The following TMPRSS4 variants were observed in gnomAD, a reference collection of about 807,000 sequenced individuals.
The protein encoded by TMPRSS4 is transmembrane protease serine 4.
In TMPRSS4, 45 loss-of-function variants were observed where a neutral mutation model predicts 56.4. The ratio of observed to expected loss-of-function variants is 0.80; its 90% confidence interval spans 0.63 to 1.02. The LOEUF is 1.02. TMPRSS4 is among the 50% of genes least tolerant of loss of function. The probability of loss-of-function intolerance (pLI) is 0.00; values close to 1 mark genes in which losing one functional copy is unlikely to be tolerated. For synonymous variants in TMPRSS4, 205 were observed against 211.0 expected, an observed-to-expected ratio of 0.97 and a Z score of 0.25; for missense variants, 546 against 556.7, an observed-to-expected ratio of 0.98 and a Z score of 0.19.
At chr11:118,104,170 G>A (rs1946870843) in intron 4 of TMPRSS4, among the ~76,000 whole-genome samples, 1 of 152,162 alleles carries the variant, frequency 6.6e-6, no homozygotes, top group African/African-American at 2.4e-5. Flanking sequence ...CTGTGTATTT[G>A]CTCTTTCTTT....
At chr11:118,077,802 A>G (rs1282801179) in intron 1 of TMPRSS4, among the ~76,000 whole-genome samples, 1 of 152,094 alleles carries the variant, frequency 6.6e-6, no homozygotes, top group Non-Finnish European at 1.5e-5. Context: ...TCTCGAGGTC[A>G]GGAGTTTGAG....
Position 118,092,520 on chromosome 11 carries a change from C to T in TMPRSS4, c.4-2296C>T, listed in dbSNP as rs112439631. Among the ~76,000 whole-genome samples the T allele has an allele frequency of 9.5e-3, 1,441 of 152,264 alleles. 28 individuals are homozygous for T. The highest frequency in any genetic ancestry group is 0.033 in the African/African-American group (1,386 of 41,544). The stretch of plus-strand genomic sequence containing the variant: ...TTGATCTGGGTGGTGCCAGCTGATC[C>T]GTCAGGTGCAGGGTCTGCAAAATAT... On this transcript the variant is annotated intron_variant, in intron 1 of 12. Coordinates refer to ENST00000437212, the MANE Select transcript of TMPRSS4 (RefSeq NM_019894.4).
intron 3 of TMPRSS4, among the ~76,000 whole-genome samples, chr11:118,100,988 G>A (rs1946702375): frequency 6.6e-6 from 1 of 152,118 alleles, no homozygotes; most frequent in South Asian, 2.1e-4. Flanking sequence ...CCAGGAGGCT[G>A]GAGTGACTCT....
chr11:118,093,555 C>T (rs898039190), intron 1 of TMPRSS4, among the ~76,000 whole-genome samples: 4 of 152,196 alleles, frequency 2.6e-5, no homozygotes, highest in African/African-American at 4.8e-5. Flanking sequence ...TGGCTGTGTG[C>T]GTGCTGAGTG....
chr11:118,103,073 T>C (rs1565429689), intron 3 of TMPRSS4, 28 bp from the exon 4 acceptor site: 6 of 1,612,758 alleles, frequency 3.7e-6, no homozygotes, highest in Non-Finnish European at 5.1e-6. Context: ...CTCAGCCCTC[T>C]CTGCCTCTCC....
At position 118,078,013 on chromosome 11, in the gene TMPRSS4, C is replaced by CA. The variant is rs148383275; in HGVS notation, c.3+739dup. ...GGGCAACAAGAGTGAAACTCCGTCT[C>CA]AAAAAAAAAAAAAAAAAAAAAAAAA... is the stretch of plus-strand genomic sequence containing the variant. On this transcript the variant is annotated intron_variant, in intron 1 of 12. Transcript: ENST00000437212. Among the ~76,000 whole-genome samples the CA allele has an allele frequency of 9.5e-3, 678 of 71,006 alleles. 25 individuals carry two copies. Among genetic ancestry groups the CA allele is most frequent in the South Asian group, 0.019 (29 of 1,510 alleles). The allele number at this position is 71,006 out of a possible 152,430, so 46.6% of individuals were successfully genotyped here.
At chr11:118,102,169 C>T (rs1273603250) in intron 3 of TMPRSS4, among the ~76,000 whole-genome samples, 1 of 152,224 alleles carries the variant, frequency 6.6e-6, no homozygotes, top group East Asian at 1.9e-4. Context: ...CCGCCTCCCC[C>T]CGACAGGCCC....
rs1243162843 is a variant in TMPRSS4, at chr11:118,094,969, C to T, written c.43+114C>T. ...ACCACCACCACCAAAGTGCTAAGTG[C>T]CATGAGTGACATCCAGTCACCCGTC... On this transcript the variant is annotated intron_variant, in intron 2 of 12. Transcript: ENST00000437212. 3 of 1,075,262 alleles carry T rather than the reference C, an allele frequency of 2.8e-6. No homozygotes were observed. The East Asian group carries it at 7.7e-5, about 27-fold the overall frequency. 66.6% of individuals were successfully genotyped at this position (1,075,262 alleles called of 1,614,324 possible).
chr11:118,084,155 C>T (rs187737031), intron 1 of TMPRSS4, among the ~76,000 whole-genome samples: 2 of 152,262 alleles, frequency 1.3e-5, no homozygotes, highest in East Asian at 3.9e-4. Context: ...CTTTCTCTCT[C>T]TCCCTCTTTT....
In TMPRSS4 at chr11:118,118,287, T is replaced by G; in HGVS notation, c.*374T>G. The G allele has an allele frequency of 7.8e-6, 9 of 1,147,184 alleles. No homozygotes were observed. Among genetic ancestry groups the G allele is most frequent in the Non-Finnish European group, 9.7e-6 (9 of 931,616 alleles). The allele number at this position is 1,147,184 out of a possible 1,614,324, so 71.1% of individuals were successfully genotyped here. A position where few individuals can be genotyped will look rare whatever the true frequency, so the allele number is the denominator to read the frequency against. On this transcript the variant is annotated 3_prime_UTR_variant, in exon 13 of 13. Coordinates refer to ENST00000437212, the MANE Select transcript of TMPRSS4 (RefSeq NM_019894.4). ...TGGGCTGGAGAGGAGAAGGAAAGGG[T>G]CTGCGCCAGCCCTGTCCGTCTTCAC...
At chr11:118,093,305 G>A (rs1946081793) in intron 1 of TMPRSS4, among the ~76,000 whole-genome samples, 2 of 152,188 alleles carry the variant, frequency 1.3e-5, no homozygotes, top group Admixed American at 1.3e-4. Context: ...ACTCCCAAGA[G>A]GAACAGAAAA....
chr11:118,095,595 A>G lies in TMPRSS4; in HGVS notation c.43+740A>G, dbSNP rs144637552. ...GAGTAGGCCATGGTGTCCCCAAGGA[A>G]CACCAGGGTGCCAACTGCTCCGCCA... On this transcript the variant is annotated intron_variant, in intron 2 of 12. Coordinates refer to ENST00000437212, the MANE Select transcript of TMPRSS4 (RefSeq NM_019894.4). Among the ~76,000 whole-genome samples the G allele has an allele frequency of 9.7e-3, 1,482 of 152,328 alleles. 8 individuals are homozygous for G. Among genetic ancestry groups the G allele is most frequent in the Non-Finnish European group, 0.014 (982 of 68,030 alleles).
At chr11:118,098,375 A>G (rs1946528795) in intron 2 of TMPRSS4, among the ~76,000 whole-genome samples, 1 of 152,208 alleles carries the variant, frequency 6.6e-6, no homozygotes, top group Admixed American at 6.5e-5. Flanking sequence ...AGATGTCTCT[A>G]TTATAACATA....
intron 7 of TMPRSS4, 101 bp downstream of exon 7, chr11:118,108,997 A>C: frequency 2.2e-6 from 3 of 1,382,386 alleles, no homozygotes; most frequent in Non-Finnish European, 3.0e-6. Context: ...TCCAAGTTTC[A>C]TTCTGCCTTG....
chr11:118,122,129 A>G (rs1947808512), downstream of TMPRSS4, among the ~76,000 whole-genome samples: 1 of 152,210 alleles, frequency 6.6e-6, no homozygotes, highest in African/African-American at 2.4e-5. Context: ...CTAAGGAGGG[A>G]AAAGCACAGA....
intron 3 of TMPRSS4, 125 bp from the exon 4 acceptor site, chr11:118,102,976 A>G (rs1170910714): frequency 2.2e-6 from 3 of 1,339,224 alleles, no homozygotes; most frequent in Non-Finnish European, 3.1e-6. Context: ...CCAAGTAGCA[A>G]AACTGAGCCT....
intron 1 of TMPRSS4, among the ~76,000 whole-genome samples, chr11:118,085,440 G>A (rs1235300532): frequency 1.3e-5 from 2 of 151,998 alleles, no homozygotes; most frequent in African/African-American, 4.8e-5. Context: ...GGCCAGGCTG[G>A]TCTCAAACTC....
intron 1 of TMPRSS4, among the ~76,000 whole-genome samples, chr11:118,080,367 C>T (rs1262643172): frequency 1.3e-5 from 2 of 152,250 alleles, no homozygotes; most frequent in African/African-American, 2.4e-5. Context: ...AACAGGCTCT[C>T]GCTGTGGCTG....
Position 118,113,282 on chromosome 11 carries a change from G to T in TMPRSS4, c.757G>T (p.Val253Leu), listed in dbSNP as rs754388409. The T allele has an allele frequency of 6.2e-7, 1 of 1,613,986 alleles. No homozygotes were observed. The highest frequency in any genetic ancestry group is 1.3e-5 in the African/African-American group (1 of 74,986). The part of the protein sequence containing the change: ...AAHCFRKHTD[V>L]FNWKVRAGSD... ...CTCTACCCCCAGGAAACATACCGAT[G>T]TGTTCAACTGGAAGGTGCGGGCAGG... The change falls in exon 9 of 13, where the codon GTG becomes TTG. Residue 253 changes from valine (V) to leucine (L), a missense_variant. Val to Leu is a conservative substitution (Grantham distance 32, BLOSUM62 1). Coordinates refer to ENST00000437212, the MANE Select transcript of TMPRSS4 (RefSeq NM_019894.4).
Sources: allele counts gnomAD v4.1 joint callset (sites outside exome capture counted in the v4.1 genomes callset), GRCh38; gene constraint gnomAD v4.1.1; transcripts MANE v1.5; gene names NCBI Gene and HGNC (gene_info 2026-07-23, HGNC 2026-07-21).